FGFR2: variants seen among roughly 807,000 people sequenced by gnomAD.
FGFR2 encodes BEK fibroblast growth factor receptor.
A neutral mutation model predicts 95.9 loss-of-function variants in FGFR2; 19 were observed. The observed-to-expected ratio is 0.20, with a 90% CI of 0.14 to 0.29. The LOEUF is 0.29. Among genes scored for constraint, FGFR2 ranks in the 10% least tolerant of loss-of-function variants. The probability of loss-of-function intolerance (pLI) is 1.00; values close to 1 mark genes in which losing one functional copy is unlikely to be tolerated. For missense variants in FGFR2, 707 were observed against 1,056.9 expected, an observed-to-expected ratio of 0.67 and a Z score of 4.59; for synonymous variants, 392 against 393.3, an observed-to-expected ratio of 1.00 and a Z score of 0.04.
intron 13 of FGFR2, among the ~76,000 whole-genome samples, chr10:121,496,290 C>T (rs1846797407): frequency 6.6e-6 from 1 of 152,156 alleles, no homozygotes; most frequent in Non-Finnish European, 1.5e-5. Context: ...CACACATGGT[C>T]CTGTCTCAAA....
intron 4 of FGFR2, among the ~76,000 whole-genome samples, chr10:121,564,054 C>A (rs1338753755): frequency 6.6e-6 from 1 of 152,192 alleles, no homozygotes; most frequent in Admixed American, 6.5e-5. Flanking sequence ...GCCACCAGCA[C>A]CCCCTCCCTC....
At position 121,598,394 on chromosome 10, in the gene FGFR2, T is replaced by TCGCCCGCTCCGCACCCGCCGCC. The variant is rs1367994706; in HGVS notation, c.-605_-584dup. The TCGCCCGCTCCGCACCCGCCGCC allele has an allele frequency of 3.2e-5, 5 of 157,264 alleles. No homozygotes were observed. Among genetic ancestry groups the TCGCCCGCTCCGCACCCGCCGCC allele is most frequent in the African/African-American group, 1.2e-4 (5 of 40,898 alleles). The allele number at this position is 157,264 out of a possible 1,614,324, so 9.7% of individuals were successfully genotyped here. A position where few individuals can be genotyped will look rare whatever the true frequency, so the allele number is the denominator to read the frequency against. On this transcript the variant is annotated 5_prime_UTR_variant, in exon 1 of 18. Coordinates refer to ENST00000358487, the MANE Select transcript of FGFR2 (RefSeq NM_000141.5). ...CTTTGTGGCGGCCGCGCGCGCTCCC[T>TCGCCCGCTCCGCACCCGCCGCC]CGCCCGCTCCGCACCCGCCGCCCGC...
In FGFR2 at chr10:121,580,441, T is replaced by A. The variant is rs568053710; in HGVS notation, c.109+13268A>T. On this transcript the variant is annotated intron_variant, in intron 2 of 17. Transcript: ENST00000358487. ...TTTGAATGGGTTTGAACGGTCTGCT[T>A]GAGGCTCACCAAGTTCAGGCCTGGC... Among the ~76,000 whole-genome samples, 6 of 146,436 alleles carry A rather than the reference T, an allele frequency of 4.1e-5. No individual in the cohort carries two copies. In the East Asian group the frequency reaches 1.2e-3, roughly 30 times the overall value.
At chr10:121,589,093 G>A (rs539554403) in intron 2 of FGFR2, among the ~76,000 whole-genome samples, 5 of 152,262 alleles carry the variant, frequency 3.3e-5, no homozygotes, top group African/African-American at 4.8e-5. Flanking sequence ...TCCCCCTGGC[G>A]AGAATCGGAC....
chr10:121,537,491 T>G (rs1262854895), intron 6 of FGFR2, among the ~76,000 whole-genome samples: 1 of 152,212 alleles, frequency 6.6e-6, no homozygotes, highest in African/African-American at 2.4e-5. Context: ...TTCCAATATG[T>G]AACGGGGTCT....
At chr10:121,504,803 A>G (rs1372022062) in intron 9 of FGFR2, among the ~76,000 whole-genome samples, 1 of 140,632 alleles carries the variant, frequency 7.1e-6, no homozygotes, top group Non-Finnish European at 1.6e-5. Context: ...TCTTAAATAT[A>G]TCACTGTCCT....
chr10:121,556,905 CAG>C (rs964649819), intron 4 of FGFR2, among the ~76,000 whole-genome samples: 3 of 152,160 alleles, frequency 2.0e-5, no homozygotes, highest in Non-Finnish European at 2.9e-5. Context: ...TGACTCCTGA[CAG>C]GGGAAAAATG....
At chr10:121,550,814 G>A (rs957004420) in intron 5 of FGFR2, among the ~76,000 whole-genome samples, 2 of 151,920 alleles carry the variant, frequency 1.3e-5, no homozygotes, top group African/African-American at 4.8e-5. Flanking sequence ...GCAAGTCCGG[G>A]GTAATATTTT....
chr10:121,483,571 C>A, intron 17 of FGFR2, 127 bp downstream of exon 17: 1 of 725,558 alleles, frequency 1.4e-6, no homozygotes, highest in Non-Finnish European at 2.5e-6. Context: ...CTATCTGACC[C>A]TATGGAAAAA....
chr10:121,566,044 G>A (rs1055139589), intron 2 of FGFR2: 2 of 407,874 alleles, frequency 4.9e-6, no homozygotes, highest in East Asian at 1.0e-4. Flanking sequence ...GCAAAAATCT[G>A]TTATTGTGGT....
intron 2 of FGFR2, among the ~76,000 whole-genome samples, chr10:121,576,962 C>T (rs962565294): frequency 6.7e-6 from 1 of 149,976 alleles, no homozygotes; most frequent in African/African-American, 2.5e-5. Context: ...TGGGGAGACC[C>T]CATCTCTATT....
chr10:121,527,386 T>C (rs557816538), intron 6 of FGFR2, among the ~76,000 whole-genome samples: 5 of 152,324 alleles, frequency 3.3e-5, no homozygotes, highest in African/African-American at 1.2e-4. Context: ...GAAGATTCTT[T>C]GGTAACCAGA....
intron 13 of FGFR2, among the ~76,000 whole-genome samples, chr10:121,489,712 C>G (rs922868081): frequency 6.6e-6 from 1 of 152,152 alleles, no homozygotes; most frequent in African/African-American, 2.4e-5. Flanking sequence ...AGCTATACAC[C>G]GGTATTCTTT....
At chr10:121,577,852 C>T (rs148926491) in intron 2 of FGFR2, among the ~76,000 whole-genome samples, 384 of 152,148 alleles carry the variant, frequency 2.5e-3, no homozygotes, top group Middle Eastern at 6.8e-3. Flanking sequence ...AGCAAGTGAC[C>T]TTCAACCTCC....
At chr10:121,555,724 A>C (rs1589972378) in intron 4 of FGFR2, among the ~76,000 whole-genome samples, 1 of 152,216 alleles carries the variant, frequency 6.6e-6, no homozygotes, top group East Asian at 1.9e-4. Context: ...CATCCCATCA[A>C]TTAAATCCCA....
intron 5 of FGFR2, among the ~76,000 whole-genome samples, chr10:121,539,917 C>T (rs758026287): frequency 1.3e-5 from 2 of 152,204 alleles, no homozygotes; most frequent in East Asian, 1.9e-4. Flanking sequence ...TGCAAAGCAG[C>T]GCCAGTGATT....
intron 1 of FGFR2, 154 bp from the exon 2 acceptor site, chr10:121,594,121 C>A: frequency 1.9e-6 from 1 of 516,858 alleles, no homozygotes; most frequent in Non-Finnish European, 3.5e-6. Flanking sequence ...CCTCAGAGTC[C>A]CAGGTGATAC....
chr10:121,503,834 C>T lies in FGFR2; in HGVS notation c.1395G>A (p.Glu465=), dbSNP rs1847914863. ...ATTTTGGGTCCTCTGGAAGTTCATA[C>T]TCGGAGACCCCTGCCAGCATGGGGG... The part of the protein sequence containing the change: ...ADTPMLAGVS[E]YELPEDPKWE... Residue 465 remains glutamate, a synonymous_variant, in exon 10 of 18, where the codon GAG becomes GAA. Transcript: ENST00000358487. 6.2e-7 allele frequency: 1 copy of T among 1,614,168 alleles called. No individual in the cohort carries two copies. The highest frequency in any genetic ancestry group is 8.5e-7 in the Non-Finnish European group (1 of 1,180,028).
intron 2 of FGFR2, among the ~76,000 whole-genome samples, chr10:121,585,118 T>C (rs932967155): frequency 1.3e-5 from 2 of 152,238 alleles, no homozygotes; most frequent in African/African-American, 4.8e-5. Flanking sequence ...ATGTGTCTGC[T>C]GTTATTATTA....
Sources: gnomAD v4.1 joint callset for allele counts (sites outside exome capture counted in the v4.1 genomes callset) on GRCh38, gnomAD v4.1.1 for gene constraint, MANE v1.5 for transcripts, NCBI Gene and HGNC (gene_info 2026-07-23, HGNC 2026-07-21) for gene names.